The following DHX35 variants were observed in gnomAD, a reference collection of about 807,000 sequenced individuals.
DHX35 encodes DEAH-box helicase 35, also known as probable ATP-dependent RNA helicase DHX35.
DHX35 carries 84 observed loss-of-function variants against 99.6 expected under a neutral mutation model. The observed-to-expected ratio is 0.84, with a 90% confidence interval of 0.71 to 1.01. The LOEUF (loss-of-function observed/expected upper bound fraction) is 1.01, where lower values mean the gene tolerates loss of function less well. DHX35 is among the 50% of genes least tolerant of loss of function. DHX35 has a pLI of 0.00. For synonymous variants in DHX35, 331 were observed against 316.2 expected, an observed-to-expected ratio of 1.05 and a Z score of -0.50; for missense variants, 852 against 888.5, an observed-to-expected ratio of 0.96 and a Z score of 0.52.
chr20:38,988,807 C>A lies in DHX35; in HGVS notation c.346-6C>A. On this transcript the variant is annotated splice_polypyrimidine_tract_variant and splice_region_variant and intron_variant, in intron 4 of 21. Transcript: ENST00000252011. The stretch of plus-strand genomic sequence containing the variant: ...TCTATTTTCAGCATGATCTTTCTTC[C>A]CAAAGGTTGCAGGGAGAGTAGCTGA... 1 of 1,613,222 alleles carries A rather than the reference C, an allele frequency of 6.2e-7. No individual in the cohort carries two copies. The highest frequency in any genetic ancestry group is 1.1e-5 in the South Asian group (1 of 91,042).
At chr20:39,006,538 A>G (rs1044320365) in intron 12 of DHX35, among the ~76,000 whole-genome samples, 182 bp downstream of exon 12, 6 of 152,146 alleles carry the variant, frequency 3.9e-5, no homozygotes, top group Admixed American at 2.0e-4. Flanking sequence ...CTTTGTTACT[A>G]GTCCCCATTG....
chr20:39,010,891 T>G (rs1391130704), intron 13 of DHX35, among the ~76,000 whole-genome samples: 1 of 152,152 alleles, frequency 6.6e-6, no homozygotes, highest in African/African-American at 2.4e-5. Context: ...GTAGAATGAC[T>G]GGGTCAAAGG....
chr20:39,024,710 T>A (rs1375690220), intron 17 of DHX35, among the ~76,000 whole-genome samples: 1 of 152,236 alleles, frequency 6.6e-6, no homozygotes, highest in African/African-American at 2.4e-5. Flanking sequence ...AGAGGTACAT[T>A]TCCACAGCAA....
chr20:38,964,890 T>C (rs565007336), intron 1 of DHX35, among the ~76,000 whole-genome samples: 17 of 152,164 alleles, frequency 1.1e-4, no homozygotes, highest in African/African-American at 3.4e-4. Context: ...TTAGAGGAGG[T>C]GCCTGTTGGA....
chr20:38,984,289 A>G (rs1025350016), intron 4 of DHX35, among the ~76,000 whole-genome samples: 65 of 152,308 alleles, frequency 4.3e-4, no homozygotes, highest in African/African-American at 1.5e-3. Context: ...TTTAAACAAT[A>G]AAGTGCTGAG....
At chr20:38,971,994 GTTTTGTTTTGTT>G (rs1444057899) in intron 2 of DHX35, among the ~76,000 whole-genome samples, 2 of 112,042 alleles carry the variant, frequency 1.8e-5, no homozygotes, top group Admixed American at 9.4e-5. Flanking sequence ...TGTTTTTTTT[GTTTTGTTTTGTT>G]TTTTTTTTTT....
chr20:38,996,512 A>T (rs2086431486), intron 8 of DHX35, among the ~76,000 whole-genome samples: 1 of 152,222 alleles, frequency 6.6e-6, no homozygotes, highest in Non-Finnish European at 1.5e-5. Flanking sequence ...GAGAGAGGGC[A>T]GTGACTTCAT....
At chr20:39,001,150 A>G (rs2086513179) in intron 8 of DHX35, among the ~76,000 whole-genome samples, 1 of 152,186 alleles carries the variant, frequency 6.6e-6, no homozygotes. Context: ...GGGGAAGTAC[A>G]TGATTGATGG....
intron 3 of DHX35, 114 bp downstream of exon 3, chr20:38,972,765 T>C (rs2086022376): frequency 1.3e-5 from 9 of 681,568 alleles, no homozygotes; most frequent in Non-Finnish European, 2.3e-5. Flanking sequence ...TCAGGAAATG[T>C]TCACTTCAAC....
In DHX35 at chr20:39,014,867, A is replaced by C. The variant is rs1388046591; in HGVS notation, c.1348-13A>C. 2 of 1,613,994 alleles carry C rather than the reference A, an allele frequency of 1.2e-6. No homozygotes were observed. Among genetic ancestry groups the C allele is most frequent in the Admixed American group, 1.7e-5 (1 of 59,982 alleles). ...AATAAATTGATTCAGGAAGATTTTT[A>C]TGTTTTTTCCAGCCCCCTCCAGCAC... On this transcript the variant is annotated splice_polypyrimidine_tract_variant and intron_variant, in intron 13 of 21. Coordinates refer to ENST00000252011, the MANE Select transcript of DHX35 (RefSeq NM_021931.4).
chr20:39,011,031 G>C (rs944292520), intron 13 of DHX35, among the ~76,000 whole-genome samples: 1 of 152,102 alleles, frequency 6.6e-6, no homozygotes, highest in Admixed American at 6.5e-5. Flanking sequence ...TTGCTGATTT[G>C]ATTGGCCAGA....
At chr20:39,006,422 A>T (rs752430725) in intron 12 of DHX35, 66 bp downstream of exon 12, 1 of 1,540,760 alleles carries the variant, frequency 6.5e-7, no homozygotes, top group Non-Finnish European at 8.9e-7. Flanking sequence ...AGAGTGTAGC[A>T]AATGTTTACT....
At chr20:39,035,638 C>G (rs932174021) in intron 21 of DHX35, among the ~76,000 whole-genome samples, 1 of 152,156 alleles carries the variant, frequency 6.6e-6, no homozygotes. Context: ...GGCTTGCGTT[C>G]CTACGTGGTG....
intron 19 of DHX35, chr20:39,029,925 TA>T (rs1431068730): frequency 6.6e-6 from 1 of 151,914 alleles, no homozygotes; most frequent in Non-Finnish European, 1.5e-5. Flanking sequence ...CAGATCATTC[TA>T]CTGAGTTGGA....
chr20:39,013,314 G>A (rs1280957344), intron 13 of DHX35, among the ~76,000 whole-genome samples: 10 of 152,202 alleles, frequency 6.6e-5, no homozygotes, highest in Non-Finnish European at 8.8e-5. Flanking sequence ...TTTTTATGGA[G>A]TATGATTGTC....
In DHX35 at chr20:38,989,772, T is replaced by C. The variant is rs542965997; in HGVS notation, c.450+855T>C. ...TTTACATGTGTGTTCTTTGGCCTTG[T>C]TGCTAATGTTAAAATAATTAGTATC... On this transcript the variant is annotated intron_variant, in intron 5 of 21. Coordinates refer to ENST00000252011, the MANE Select transcript of DHX35 (RefSeq NM_021931.4). Among the ~76,000 whole-genome samples, 18 of 152,288 alleles carry C rather than the reference T, an allele frequency of 1.2e-4. No individual in the cohort carries two copies. In the South Asian group the frequency reaches 3.7e-3, roughly 32 times the overall value.
chr20:38,995,245 C>T lies in DHX35; in HGVS notation c.642+365C>T, dbSNP rs114267485. Among the ~76,000 whole-genome samples the T allele has an allele frequency of 3.7e-3, 560 of 152,288 alleles. 2 individuals are homozygous for T. Among genetic ancestry groups the T allele is most frequent in the African/African-American group, 0.013 (538 of 41,568 alleles). ...CTGTGCAATTGAAGTTTCTCCTGGG[C>T]TGGGCACGGTGGCTCACACCTGTAA... On this transcript the variant is annotated intron_variant, in intron 8 of 21. Coordinates refer to ENST00000252011, the MANE Select transcript of DHX35 (RefSeq NM_021931.4).
chr20:39,003,908 G>A lies in DHX35; in HGVS notation c.1011+1G>A, dbSNP rs1413219414. On this transcript the variant is annotated splice_donor_variant, in intron 11 of 21. Coordinates refer to ENST00000252011, the MANE Select transcript of DHX35 (RefSeq NM_021931.4). LOFTEE classifies it high-confidence loss of function. ...AAGGGTGTCACGCAGTGTCAGAAAG[G>A]TGAGACTATCCTGATGACCAAGGGT... 6.2e-7 allele frequency: 1 copy of A among 1,614,080 alleles called. No homozygotes were observed. The highest frequency in any genetic ancestry group is 8.5e-7 in the Non-Finnish European group (1 of 1,179,954).
intron 16 of DHX35, among the ~76,000 whole-genome samples, chr20:39,022,688 T>C (rs1448129780): frequency 1.3e-5 from 2 of 152,250 alleles, no homozygotes; most frequent in Non-Finnish European, 2.9e-5. Context: ...AGGCTGATTC[T>C]GGGCACCACA....
Sources: gnomAD v4.1 joint callset for allele counts (sites outside exome capture counted in the v4.1 genomes callset) on GRCh38, gnomAD v4.1.1 for gene constraint, MANE v1.5 for transcripts, NCBI Gene and HGNC (gene_info 2026-07-23, HGNC 2026-07-21) for gene names.